Variants in SLC24A3 observed in about 807,000 individuals in gnomAD.
The protein encoded by SLC24A3 is sodium/potassium/calcium exchanger 3.
Under a neutral mutation model 75.8 loss-of-function variants are expected in SLC24A3, and 28 were observed. That is an observed-to-expected ratio of 0.37 (90% CI 0.27 to 0.51). The LOEUF (loss-of-function observed/expected upper bound fraction) is 0.51, where lower values mean the gene tolerates loss of function less well. SLC24A3 is among the 20% of genes least tolerant of loss of function. The pLI is 0.94. For missense variants in SLC24A3, 663 were observed against 847.8 expected (o/e 0.78, Z 2.71); for synonymous variants, 372 against 334.1 (o/e 1.11, Z -1.24).
intron 7 of SLC24A3, among the ~76,000 whole-genome samples, chr20:19,664,961 A>G (rs2032380298): frequency 6.6e-6 from 1 of 152,200 alleles, no homozygotes; most frequent in Non-Finnish European, 1.5e-5. Context: ...TAGGAAAATT[A>G]CTTATGTTCT....
chr20:19,612,238 C>A (rs2031680021), intron 6 of SLC24A3, among the ~76,000 whole-genome samples: 1 of 152,128 alleles, frequency 6.6e-6, no homozygotes, highest in Admixed American at 6.5e-5. Context: ...TGACCCTATG[C>A]CCCATATCCC....
chr20:19,262,404 C>CAAA (rs58691860), intron 1 of SLC24A3, among the ~76,000 whole-genome samples: 186 of 75,620 alleles, frequency 2.5e-3, no homozygotes, highest in Non-Finnish European at 3.3e-3. Flanking sequence ...GACTCCGTCT[C>CAAA]AAAAAAAAAA....
At chr20:19,679,309 C>G (rs1358191191) in intron 9 of SLC24A3, among the ~76,000 whole-genome samples, 1 of 152,200 alleles carries the variant, frequency 6.6e-6, no homozygotes, top group Non-Finnish European at 1.5e-5. Context: ...GAGACCAGCC[C>G]GGCCAACACA....
intron 2 of SLC24A3, among the ~76,000 whole-genome samples, chr20:19,301,371 A>G (rs1246986574): frequency 6.6e-6 from 1 of 152,208 alleles, no homozygotes; most frequent in African/African-American, 2.4e-5. Context: ...ACCGTAAGTT[A>G]GTCATAAACT....
At chr20:19,350,260 T>C (rs1404911174) in intron 2 of SLC24A3, among the ~76,000 whole-genome samples, 4 of 152,228 alleles carry the variant, frequency 2.6e-5, no homozygotes, top group African/African-American at 9.6e-5. Context: ...TAAAATAGAA[T>C]TTGGTAGATG....
At chr20:19,613,552 A>C (rs943025264) in intron 6 of SLC24A3, among the ~76,000 whole-genome samples, 1 of 152,178 alleles carries the variant, frequency 6.6e-6, no homozygotes, top group African/African-American at 2.4e-5. Context: ...AAATACATCT[A>C]TTCCCCGTTT....
chr20:19,342,256 T>C (rs1418219030), intron 2 of SLC24A3, among the ~76,000 whole-genome samples: 1 of 152,188 alleles, frequency 6.6e-6, no homozygotes, highest in Non-Finnish European at 1.5e-5. Flanking sequence ...AGACAGAAAA[T>C]ACTGGCAGTG....
chr20:19,474,380 C>T (rs940986456), intron 2 of SLC24A3, among the ~76,000 whole-genome samples: 6 of 152,020 alleles, frequency 3.9e-5, no homozygotes, highest in Non-Finnish European at 8.8e-5. Context: ...AATCTGATAG[C>T]GAGCACCTGA....
intron 6 of SLC24A3, among the ~76,000 whole-genome samples, chr20:19,635,880 C>T (rs1338106915): frequency 2.0e-5 from 3 of 152,188 alleles, no homozygotes; most frequent in East Asian, 1.9e-4. Flanking sequence ...GTGGCTTACA[C>T]CTGTAATCCC....
chr20:19,699,859 C>G (rs2032851496), intron 15 of SLC24A3, among the ~76,000 whole-genome samples: 1 of 152,184 alleles, frequency 6.6e-6, no homozygotes, highest in Non-Finnish European at 1.5e-5. Context: ...TAGGCACATT[C>G]CTGCTGCATG....
At chr20:19,234,380 C>T (rs1982107523) in intron 1 of SLC24A3, among the ~76,000 whole-genome samples, 1 of 152,214 alleles carries the variant, frequency 6.6e-6, no homozygotes, top group African/African-American at 2.4e-5. Context: ...ACAGGGCAGC[C>T]AGGAGGTGCT....
At chr20:19,219,584 G>A (rs1439112768) in intron 1 of SLC24A3, among the ~76,000 whole-genome samples, 1 of 152,100 alleles carries the variant, frequency 6.6e-6, no homozygotes, top group Non-Finnish European at 1.5e-5. Context: ...GTCAGGAAAA[G>A]CTGGAACCTG....
chr20:19,624,996 T>C (rs2031850839), intron 6 of SLC24A3, among the ~76,000 whole-genome samples: 1 of 152,148 alleles, frequency 6.6e-6, no homozygotes, highest in South Asian at 2.1e-4. Flanking sequence ...CTGGGTTTGT[T>C]TAAATGTTTC....
chr20:19,486,955 T>A (rs544274336), intron 2 of SLC24A3, among the ~76,000 whole-genome samples: 1 of 152,332 alleles, frequency 6.6e-6, no homozygotes, highest in East Asian at 1.9e-4. Context: ...CCTGCTTCTC[T>A]GGAGGGCAGT....
At chr20:19,525,877 G>T (rs775595596) in intron 3 of SLC24A3, among the ~76,000 whole-genome samples, 6 of 152,148 alleles carry the variant, frequency 3.9e-5, no homozygotes, top group Non-Finnish European at 8.8e-5. Context: ...AGGCGCGGCT[G>T]TGCGGTGAGG....
chr20:19,649,394 C>T (rs1377459644), intron 6 of SLC24A3, among the ~76,000 whole-genome samples: 1 of 152,146 alleles, frequency 6.6e-6, no homozygotes, highest in African/African-American at 2.4e-5. Flanking sequence ...TTGAACTGGC[C>T]AAATGGACAG....
chr20:19,718,158 GT>G (rs1184166824), intron 16 of SLC24A3, among the ~76,000 whole-genome samples: 1 of 152,152 alleles, frequency 6.6e-6, no homozygotes, highest in Non-Finnish European at 1.5e-5. Flanking sequence ...GACACAATAT[GT>G]TTTTTCCTTA....
intron 2 of SLC24A3, among the ~76,000 whole-genome samples, chr20:19,425,411 T>C (rs1986990130): frequency 6.6e-6 from 1 of 152,168 alleles, no homozygotes; most frequent in African/African-American, 2.4e-5. Context: ...GACATTATCA[T>C]CCGTTAAGAG....
chr20:19,680,122 GTGTGTGTC>G (rs1266299399), intron 9 of SLC24A3, among the ~76,000 whole-genome samples: 1 of 79,028 alleles, frequency 1.3e-5, no homozygotes, highest in African/African-American at 6.6e-5. Flanking sequence ...CTGTGTCTGT[GTGTGTGTC>G]TGTGTGTGTC....
Sources: allele counts gnomAD v4.1 joint callset (sites outside exome capture counted in the v4.1 genomes callset), GRCh38; gene constraint gnomAD v4.1.1; transcripts MANE v1.5; gene names NCBI Gene and HGNC (gene_info 2026-07-23, HGNC 2026-07-21).